SSH2: variants seen among roughly 807,000 people sequenced by gnomAD.
SSH2 encodes the protein protein phosphatase Slingshot homolog 2.
In SSH2, 37 loss-of-function variants were observed where a neutral mutation model predicts 135.2. The observed-to-expected ratio is 0.27, with a 90% CI of 0.21 to 0.36. SSH2 has a LOEUF of 0.36. Among genes scored for constraint, SSH2 ranks in the 10% least tolerant of loss-of-function variants. The pLI is 1.00. For synonymous variants in SSH2, 628 were observed against 646.2 expected (o/e 0.97, Z 0.43); for missense variants, 1,408 against 1,765.3 (o/e 0.80, Z 3.63).
At chr17:29,877,438 C>T (rs1270684136) in intron 1 of SSH2, among the ~76,000 whole-genome samples, 1 of 152,186 alleles carries the variant, frequency 6.6e-6, no homozygotes, top group Non-Finnish European at 1.5e-5. Context: ...TTAGTTGTGG[C>T]ACTGTCTACA....
At chr17:29,728,702 C>A (rs1321990283) in intron 3 of SSH2, among the ~76,000 whole-genome samples, 1 of 152,150 alleles carries the variant, frequency 6.6e-6, no homozygotes, top group Admixed American at 6.5e-5. Context: ...AAAAGAGACA[C>A]ATAGACCAAT....
chr17:29,727,985 A>C (rs561677516), intron 3 of SSH2, among the ~76,000 whole-genome samples: 3 of 152,338 alleles, frequency 2.0e-5, no homozygotes, highest in African/African-American at 7.2e-5. Flanking sequence ...GTTCGAGACA[A>C]GCCTGGCCAA....
At chr17:29,915,139 A>G (rs1263923803) in intron 1 of SSH2, among the ~76,000 whole-genome samples, 2 of 152,246 alleles carry the variant, frequency 1.3e-5, no homozygotes, top group Admixed American at 6.5e-5. Context: ...TACTCAAAGA[A>G]GAAATAGGTT....
At chr17:29,928,503 G>A (rs752121739) in intron 1 of SSH2, 1 of 398,492 alleles carries the variant, frequency 2.5e-6, no homozygotes, top group Non-Finnish European at 4.4e-6. Context: ...ATTTTGCAAG[G>A]CAGTGCACTC....
At chr17:29,709,664 G>A (rs564100200) in intron 3 of SSH2, among the ~76,000 whole-genome samples, 19 of 151,990 alleles carry the variant, frequency 1.3e-4, no homozygotes, top group African/African-American at 4.1e-4. Context: ...GAAACAGAGC[G>A]AAACTCCATT....
intron 3 of SSH2, chr17:29,777,745 CT>C: frequency 5.9e-6 from 1 of 169,384 alleles, no homozygotes; most frequent in South Asian, 1.4e-4. Flanking sequence ...GGAGACAGCC[CT>C]TTCCAATGTA....
chr17:29,926,008 AAG>A (rs1270268643), intron 1 of SSH2, among the ~76,000 whole-genome samples: 30 of 152,334 alleles, frequency 2.0e-4, no homozygotes, highest in Non-Finnish European at 2.9e-4. Context: ...ATTATCTAGG[AAG>A]AACAATATCT....
At chr17:29,671,831 T>C (rs867824489) in intron 9 of SSH2, 104 bp downstream of exon 9, 8 of 960,914 alleles carry the variant, frequency 8.3e-6, no homozygotes, top group Non-Finnish European at 1.3e-5. Context: ...TATTCCTAGG[T>C]AAGATTAACT....
chr17:29,723,307 C>T (rs531930661), intron 3 of SSH2, among the ~76,000 whole-genome samples: 25 of 152,166 alleles, frequency 1.6e-4, no homozygotes, highest in Non-Finnish European at 3.1e-4. Flanking sequence ...TGCTCTACTG[C>T]CTTGCTTTGA....
Position 29,648,323 on chromosome 17 carries a change from A to G in SSH2, c.1248T>C (p.Leu416=), listed in dbSNP as rs1329178431. 1 of 1,610,910 alleles carries G rather than the reference A, an allele frequency of 6.2e-7. No homozygotes were observed. Among genetic ancestry groups the G allele is most frequent in the African/African-American group, 1.3e-5 (1 of 74,850 alleles). The change falls in exon 14 of 16, where the codon CTT becomes CTC. Residue 416 remains leucine (L), a synonymous_variant. Coordinates refer to ENST00000540801, the MANE Select transcript of SSH2 (RefSeq NM_001282129.2). ...SKAKKHGSKC[L]VHCKMGVSRS... is the part of the protein sequence containing the mutation. ...GACTCACCCCCATTTTGCAGTGCAC[A>G]AGGCATTTAGATCCATGTTTCCTTG...
chr17:29,771,863 C>T (rs1409203465), intron 3 of SSH2, among the ~76,000 whole-genome samples: 1 of 152,174 alleles, frequency 6.6e-6, no homozygotes, highest in Non-Finnish European at 1.5e-5. Flanking sequence ...CCATATTTCA[C>T]TTTCTATGTC....
At chr17:29,846,349 T>C (rs2043133463) in intron 2 of SSH2, among the ~76,000 whole-genome samples, 1 of 152,168 alleles carries the variant, frequency 6.6e-6, no homozygotes, top group Admixed American at 6.5e-5. Flanking sequence ...AAAATAAATC[T>C]TATAGGATAC....
At chr17:29,695,992 C>T (rs979381142) in intron 4 of SSH2, among the ~76,000 whole-genome samples, 6 of 151,904 alleles carry the variant, frequency 3.9e-5, no homozygotes, top group South Asian at 2.1e-4. Flanking sequence ...TTATATGCTT[C>T]GGTTGCATTT....
Position 29,676,980 on chromosome 17 carries a change from T to G in SSH2, c.549-95A>C, listed in dbSNP as rs1357496507. 8 of 1,012,746 alleles carry G rather than the reference T, an allele frequency of 7.9e-6. No individual in the cohort carries two copies. In the Admixed American group the frequency reaches 1.5e-4, roughly 19 times the overall value. The allele number at this position is 1,012,746 out of a possible 1,614,324, so 62.7% of individuals were successfully genotyped here. A position where few individuals can be genotyped will look rare whatever the true frequency, so the allele number is the denominator to read the frequency against. The stretch of plus-strand genomic sequence containing the variant: ...GGATGTATCCCAGGCTAAAAACAAC[T>G]GGCTCCGTAGAGGGAATCATCAGGC... On this transcript the variant is annotated intron_variant, in intron 7 of 15. Coordinates refer to ENST00000540801, the MANE Select transcript of SSH2 (RefSeq NM_001282129.2).
chr17:29,853,220 G>T (rs1259671419), intron 1 of SSH2, among the ~76,000 whole-genome samples: 1 of 151,200 alleles, frequency 6.6e-6, no homozygotes, highest in Non-Finnish European at 1.5e-5. Flanking sequence ...CCGAGTAGCT[G>T]GGACTACAGG....
chr17:29,761,481 G>A, intron 3 of SSH2: 1 of 986,080 alleles, frequency 1.0e-6, no homozygotes, highest in Non-Finnish European at 1.2e-6. Flanking sequence ...GGGCGGGACG[G>A]GCGGGTCCTG....
At chr17:29,844,558 C>G (rs986189558) in intron 2 of SSH2, among the ~76,000 whole-genome samples, 1 of 152,188 alleles carries the variant, frequency 6.6e-6, no homozygotes, top group Non-Finnish European at 1.5e-5. Context: ...CCAACCTGCT[C>G]TAGTCACTGC....
chr17:29,797,194 T>C (rs2042173583), intron 2 of SSH2, among the ~76,000 whole-genome samples: 1 of 151,892 alleles, frequency 6.6e-6, no homozygotes. Context: ...ATTTAATGAG[T>C]TTTGACAAAT....
chr17:29,787,702 T>G (rs981157731), intron 3 of SSH2: 1 of 152,092 alleles, frequency 6.6e-6, no homozygotes, highest in Admixed American at 6.6e-5. Context: ...TGGTTTCAAT[T>G]TGCATTTCCT....
Sources: gnomAD v4.1 joint callset for allele counts (sites outside exome capture counted in the v4.1 genomes callset) on GRCh38, gnomAD v4.1.1 for gene constraint, MANE v1.5 for transcripts, NCBI Gene and HGNC (gene_info 2026-07-23, HGNC 2026-07-21) for gene names.